GAPT: variants seen among roughly 807,000 people sequenced by gnomAD.
GAPT encodes the protein protein GAPT.
For missense variants in GAPT, 206 were observed against 189.2 expected, an observed-to-expected ratio of 1.09 and a Z score of -0.52; for synonymous variants, 82 against 69.7, an observed-to-expected ratio of 1.18 and a Z score of -0.88.
rs1003718499 is a variant in GAPT, at chr5:58,496,333, A to T, written c.*1323A>T. 6.0e-6 allele frequency: 1 copy of T among 166,702 alleles called. No individual in the cohort carries two copies. The highest frequency in any genetic ancestry group is 6.5e-5 in the Admixed American group (1 of 15,278). The allele number at this position is 166,702 out of a possible 1,614,324, so 10.3% of individuals were successfully genotyped here. A position where few individuals can be genotyped will look rare whatever the true frequency, so the allele number is the denominator to read the frequency against. ...CTGAGTAGTTTTGAGAAAAAAATCT[A>T]ATAAATTCATCTGTTATTCATCCAT... On this transcript the variant is annotated 3_prime_UTR_variant, in exon 3 of 3. Coordinates refer to ENST00000502276, the MANE Select transcript of GAPT (RefSeq NM_001304431.2).
At chr5:58,493,518 T>C (rs1213770934) in intron 1 of GAPT, 193 bp from the exon 2 acceptor site, 1 of 152,204 alleles carries the variant, frequency 6.6e-6, no homozygotes, top group Non-Finnish European at 1.5e-5. Flanking sequence ...CCCTTGAGTT[T>C]TAAACTATCA....
Position 58,494,727 on chromosome 5 carries a change from C to T in GAPT, c.191C>T (p.Pro64Leu), listed in dbSNP as rs1469668840. ...GTCTGTACTAAAACATTCTTGGGCC[C>T]CCGCATCATTGGCTTAAGGCATGAA... is the stretch of plus-strand genomic sequence containing the variant. ...RKVCTKTFLG[P>L]RIIGLRHEIS... The change falls in exon 3 of 3, where the codon CCC becomes CTC. Residue 64 changes from proline to leucine, a missense_variant. Transcript: ENST00000502276. 3 of 1,613,856 alleles carry T rather than the reference C, an allele frequency of 1.9e-6. No homozygotes were observed. The highest frequency in any genetic ancestry group is 2.7e-5 in the African/African-American group (2 of 74,926).
At chr5:58,492,531 C>T (rs1356677880) in intron 1 of GAPT, among the ~76,000 whole-genome samples, 2 of 152,080 alleles carry the variant, frequency 1.3e-5, no homozygotes, top group Admixed American at 1.3e-4. Context: ...CAGTTCTCAA[C>T]CTCAATATTA....
In GAPT at chr5:58,494,589, T is replaced by G. The variant is rs1744378445; in HGVS notation, c.53T>G (p.Leu18Arg). ...NLAAISVGIS[L>R]LLLLVVCGIG... is the part of the protein sequence containing the mutation. The stretch of plus-strand genomic sequence containing the variant: ...GCGGCCATTTCTGTAGGAATTTCGC[T>G]TCTTTTACTCTTAGTGGTTTGTGGA... The change falls in exon 3 of 3, where the codon CTT becomes CGT. Residue 18 changes from leucine to arginine, a missense_variant. Leu to Arg is a moderately radical substitution (Grantham distance 102). Transcript: ENST00000502276. 1 of 1,612,392 alleles carries G rather than the reference T, an allele frequency of 6.2e-7. No homozygotes were observed.
In GAPT at chr5:58,494,732, A is replaced by C. The variant is rs1744390129; in HGVS notation, c.196A>C (p.Ile66Leu). The C allele has an allele frequency of 6.2e-7, 1 of 1,614,024 alleles. No individual in the cohort carries two copies. The highest frequency in any genetic ancestry group is 8.5e-7 in the Non-Finnish European group (1 of 1,179,962). The change falls in exon 3 of 3, where the codon ATC becomes CTC. Residue 66 changes from isoleucine (I) to leucine (L), a missense_variant. Physicochemically the swap from Ile to Leu is conservative, Grantham distance 5. Coordinates refer to ENST00000502276, the MANE Select transcript of GAPT (RefSeq NM_001304431.2). ...TACTAAAACATTCTTGGGCCCCCGC[A>C]TCATTGGCTTAAGGCATGAAATCTC... ...VCTKTFLGPR[I>L]IGLRHEISVE...
chr5:58,494,644 T>G lies in GAPT; in HGVS notation c.108T>G (p.Arg36=), dbSNP rs749890903. 6.2e-7 allele frequency: 1 copy of G among 1,614,018 alleles called. No homozygotes were observed. Among genetic ancestry groups the G allele is most frequent in the Non-Finnish European group, 8.5e-7 (1 of 1,179,940 alleles). The stretch of plus-strand genomic sequence containing the variant: ...GGTGTGTTTGGCACTGGAAACACCG[T>G]GTTGCCACACGATTTACCTTACCGA... ...GIGCVWHWKH[R]VATRFTLPRF... The change falls in exon 3 of 3, where the codon CGT becomes CGG. Residue 36 remains arginine (R), a synonymous_variant. Coordinates refer to ENST00000502276, the MANE Select transcript of GAPT (RefSeq NM_001304431.2).
chr5:58,493,336 C>T (rs1744321494), intron 1 of GAPT, among the ~76,000 whole-genome samples: 1 of 152,088 alleles, frequency 6.6e-6, no homozygotes, highest in Admixed American at 6.6e-5. Flanking sequence ...CAGTTGAACA[C>T]TTCCCCTTCT....
chr5:58,491,942 T>A (rs554760508), intron 1 of GAPT, among the ~76,000 whole-genome samples: 5 of 152,356 alleles, frequency 3.3e-5, no homozygotes, highest in African/African-American at 1.2e-4. Context: ...GTTTAAAATA[T>A]GTTTTTCATT....
In GAPT at chr5:58,492,570, G is replaced by A. The variant is rs73096323; in HGVS notation, c.-419+1029G>A. Among the ~76,000 whole-genome samples the A allele has an allele frequency of 8.9e-3, 1,348 of 152,192 alleles. 19 individuals are homozygous for A. The highest frequency in any genetic ancestry group is 0.031 in the African/African-American group (1,299 of 41,522). On this transcript the variant is annotated intron_variant, in intron 1 of 2. Transcript: ENST00000502276. ...CCAAAAATTCCAAGGAGATTAAAAT[G>A]TTTCTGCATCTGGGGTGCTTGTCCC... is the stretch of plus-strand genomic sequence containing the variant.
Position 58,495,056 on chromosome 5 carries a change from G to A in GAPT, c.*46G>A. 5 of 1,268,066 alleles carry A rather than the reference G, an allele frequency of 3.9e-6. No homozygotes were observed. Among genetic ancestry groups the A allele is most frequent in the Non-Finnish European group, 5.5e-6 (5 of 903,506 alleles). 78.6% of individuals were successfully genotyped at this position (1,268,066 alleles called of 1,614,324 possible). A position where few individuals can be genotyped will look rare whatever the true frequency, so the allele number is the denominator to read the frequency against. On this transcript the variant is annotated 3_prime_UTR_variant, in exon 3 of 3. Transcript: ENST00000502276. ...TGTTATTGGATGATAAATATTCACT[G>A]TAATTTTTCAACAGCAAAGACAAGG...
rs1326213747 is a variant in GAPT, at chr5:58,496,996, A to G, written c.*1986A>G. On this transcript the variant is annotated 3_prime_UTR_variant, in exon 3 of 3. Coordinates refer to ENST00000502276, the MANE Select transcript of GAPT (RefSeq NM_001304431.2). Reference sequence around the variant, plus strand: ...CTCAGCCAAGATTGTTACAGTTACTATCTCTGTGGTACCTGTGTCCCCTTT... The same window carrying G: ...CTCAGCCAAGATTGTTACAGTTACTGTCTCTGTGGTACCTGTGTCCCCTTT... 6.0e-6 allele frequency: 1 copy of G among 166,894 alleles called. No individual in the cohort carries two copies. The allele number at this position is 166,894 out of a possible 1,614,324, so 10.3% of individuals were successfully genotyped here.
chr5:58,494,889 C>T lies in GAPT; in HGVS notation c.353C>T (p.Ser118Phe). Residue 118 changes from serine (S) to phenylalanine (F), a missense_variant, in exon 3 of 3, where the codon TCT becomes TTT. Coordinates refer to ENST00000502276, the MANE Select transcript of GAPT (RefSeq NM_001304431.2). ...GAACTATATGAAAACACAGGGCAGT[C>T]TAATTTCGAGGAGCATATCTATGGA... ...DKELYENTGQ[S>F]NFEEHIYGNE... The T allele has an allele frequency of 1.2e-6, 2 of 1,613,856 alleles. No homozygotes were observed. Among genetic ancestry groups the T allele is most frequent in the Non-Finnish European group, 1.7e-6 (2 of 1,179,824 alleles).
rs377624204 is a variant in GAPT, at chr5:58,494,767, C to T, written c.231C>T (p.Thr77=). 13 of 1,613,810 alleles carry T rather than the reference C, an allele frequency of 8.1e-6. No individual in the cohort carries two copies. The highest frequency in any genetic ancestry group is 1.3e-5 in the African/African-American group (1 of 74,912). Residue 77 remains threonine, a synonymous_variant, in exon 3 of 3, where the codon ACC becomes ACT. Transcript: ENST00000502276. ...IGLRHEISVE[T]QDHKSAVRGN... is the part of the protein sequence containing the mutation. ...TAAGGCATGAAATCTCAGTTGAAAC[C>T]CAAGACCACAAATCTGCTGTCAGGG... is the stretch of plus-strand genomic sequence containing the variant.
chr5:58,497,075 T>C lies in GAPT; in HGVS notation c.*2065T>C, dbSNP rs1007354287. The C allele has an allele frequency of 2.4e-5, 4 of 167,124 alleles. No homozygotes were observed. The highest frequency in any genetic ancestry group is 9.6e-5 in the African/African-American group (4 of 41,456). The allele number at this position is 167,124 out of a possible 1,614,324, so 10.4% of individuals were successfully genotyped here. A position where few individuals can be genotyped will look rare whatever the true frequency, so the allele number is the denominator to read the frequency against. ...TTAGCCAATTATCTATATTAAATTC[T>C]CTCTGTTAAAACAAATTGATATGGT... On this transcript the variant is annotated 3_prime_UTR_variant, in exon 3 of 3. Transcript: ENST00000502276.
At position 58,494,814 on chromosome 5, in the gene GAPT, A is replaced by C. The variant is rs1454236610; in HGVS notation, c.278A>C (p.Tyr93Ser). ...AVRGNNTHDNYENVEAGPPKA... is the reference protein window; with the variant it reads ...AVRGNNTHDNSENVEAGPPKA... ...AGGGGAAATAACACACACGACAACT[A>C]TGAAAATGTGGAAGCAGGTCCTCCC... The change falls in exon 3 of 3, where the codon TAT (tyrosine) becomes TCT (serine). Residue 93 changes from tyrosine to serine, a missense_variant. By Grantham distance (144) the Tyr-to-Ser change is moderately radical. Coordinates refer to ENST00000502276, the MANE Select transcript of GAPT (RefSeq NM_001304431.2). 6.2e-7 allele frequency: 1 copy of C among 1,614,044 alleles called. No individual in the cohort carries two copies. Among genetic ancestry groups the C allele is most frequent in the Admixed American group, 1.7e-5 (1 of 59,956 alleles).
Position 58,495,327 on chromosome 5 carries a change from A to C in GAPT, c.*317A>C, listed in dbSNP as rs544664757. 3 of 275,146 alleles carry C rather than the reference A, an allele frequency of 1.1e-5. No homozygotes were observed. Among genetic ancestry groups the C allele is most frequent in the Non-Finnish European group, 6.9e-6 (1 of 144,948 alleles). The allele number at this position is 275,146 out of a possible 1,614,324, so 17.0% of individuals were successfully genotyped here. On this transcript the variant is annotated 3_prime_UTR_variant, in exon 3 of 3. Transcript: ENST00000502276. ...GAAGGAGGGAGAGGTTCAGGGAAAA[A>C]AAAAATATCAGGTACTATGCTTAGT...
rs1395863482 is a variant in GAPT, at chr5:58,494,429, T to C, written c.-108T>C. ...TTCCAGATCTGAAAAGGAAAATGCC[T>C]AAAAGAGCTTCCAAACTCATTTTTG... On this transcript the variant is annotated 5_prime_UTR_variant, in exon 3 of 3. Coordinates refer to ENST00000502276, the MANE Select transcript of GAPT (RefSeq NM_001304431.2). The C allele has an allele frequency of 1.1e-6, 1 of 925,690 alleles. No homozygotes were observed. Among genetic ancestry groups the C allele is most frequent in the Non-Finnish European group, 1.6e-6 (1 of 621,458 alleles). 57.3% of individuals were successfully genotyped at this position (925,690 alleles called of 1,614,324 possible). A position where few individuals can be genotyped will look rare whatever the true frequency, so the allele number is the denominator to read the frequency against.
Position 58,496,259 on chromosome 5 carries a change from G to T in GAPT, c.*1249G>T, listed in dbSNP as rs1744446775. 6.1e-6 allele frequency: 1 copy of T among 162,692 alleles called. No individual in the cohort carries two copies. Among genetic ancestry groups the T allele is most frequent in the Non-Finnish European group, 1.5e-5 (1 of 68,060 alleles). The allele number at this position is 162,692 out of a possible 1,614,324, so 10.1% of individuals were successfully genotyped here. ...CCAAATGCCTAGAACATCACATAAG[G>T]CACTAAATGCCTCATGTTTTACTGA... On this transcript the variant is annotated 3_prime_UTR_variant, in exon 3 of 3. Coordinates refer to ENST00000502276, the MANE Select transcript of GAPT (RefSeq NM_001304431.2).
chr5:58,491,759 G>A (rs73096320), intron 1 of GAPT, among the ~76,000 whole-genome samples: 1,613 of 152,158 alleles, frequency 0.011, 22 homozygotes, highest in African/African-American at 0.038. Context: ...AAACAGCAGG[G>A]CATTCTCTTA....
Sources: gnomAD v4.1 joint callset for allele counts (sites outside exome capture counted in the v4.1 genomes callset) on GRCh38, gnomAD v4.1.1 for gene constraint, MANE v1.5 for transcripts, NCBI Gene and HGNC (gene_info 2026-07-23, HGNC 2026-07-21) for gene names.